The following MAP3K20 variants were observed in gnomAD, a reference collection of about 807,000 sequenced individuals.
MAP3K20 encodes HCCS-4.
A neutral mutation model predicts 85.7 loss-of-function variants in MAP3K20; 40 were observed. That is an observed-to-expected ratio of 0.47 (90% confidence interval 0.36 to 0.61). MAP3K20 has a LOEUF of 0.61. Ranked by LOEUF, MAP3K20 falls within the 20% of genes least tolerant of loss-of-function variation. MAP3K20 has a pLI of 0.00. For synonymous variants in MAP3K20, 325 were observed against 327.7 expected, an observed-to-expected ratio of 0.99 and a Z score of 0.09; for missense variants, 817 against 961.7, an observed-to-expected ratio of 0.85 and a Z score of 1.99.
chr2:173,216,726 C>A (rs956897748), intron 10 of MAP3K20, among the ~76,000 whole-genome samples: 1 of 152,108 alleles, frequency 6.6e-6, no homozygotes, highest in Non-Finnish European at 1.5e-5. Context: ...ATATCATTTT[C>A]CCACCTATAC....
chr2:173,245,719 G>T (rs975611875), intron 16 of MAP3K20, among the ~76,000 whole-genome samples: 2 of 152,194 alleles, frequency 1.3e-5, no homozygotes, highest in Non-Finnish European at 2.9e-5. Context: ...ATCACTTGAG[G>T]TTAGGAGTTC....
chr2:173,230,114 G>A (rs145520050), intron 12 of MAP3K20, among the ~76,000 whole-genome samples: 1 of 152,142 alleles, frequency 6.6e-6, no homozygotes, highest in African/African-American at 2.4e-5. Flanking sequence ...TTATAGGTGT[G>A]AGCCACTGTG....
intron 7 of MAP3K20, among the ~76,000 whole-genome samples, chr2:173,193,699 G>A (rs1463861856): frequency 6.6e-6 from 1 of 152,076 alleles, no homozygotes; most frequent in Non-Finnish European, 1.5e-5. Flanking sequence ...CATAGTTTGA[G>A]TCAACCTTTC....
In MAP3K20 at chr2:173,091,009, G is replaced by C. The variant is rs772724947; in HGVS notation, c.-23G>C. On this transcript the variant is annotated 5_prime_UTR_variant, in exon 2 of 20. Coordinates refer to ENST00000375213, the MANE Select transcript of MAP3K20 (RefSeq NM_016653.3). ...CTTTCTTTCTGCAGATTTTGTGGAA[G>C]TATAATACTTTGTCATTATGAGATG... 1 of 1,598,810 alleles carries C rather than the reference G, an allele frequency of 6.3e-7. No homozygotes were observed. Among genetic ancestry groups the C allele is most frequent in the South Asian group, 1.1e-5 (1 of 89,764 alleles).
intron 9 of MAP3K20, among the ~76,000 whole-genome samples, chr2:173,205,119 A>AAAAAC (rs1683638647): frequency 5.0e-5 from 7 of 139,582 alleles, no homozygotes; most frequent in African/African-American, 1.6e-4. Context: ...AAAAAAAAAA[A>AAAAAC]AAATAAATAA....
At chr2:173,157,284 C>T (rs747196542) in intron 2 of MAP3K20, among the ~76,000 whole-genome samples, 20 of 150,966 alleles carry the variant, frequency 1.3e-4, no homozygotes, top group Non-Finnish European at 2.8e-4. Context: ...TTCTATGATT[C>T]CAGATTATCT....
At chr2:173,108,919 A>C (rs1340870415) in intron 2 of MAP3K20, among the ~76,000 whole-genome samples, 1 of 152,244 alleles carries the variant, frequency 6.6e-6, no homozygotes, top group Non-Finnish European at 1.5e-5. Context: ...GGACAGAGAC[A>C]GTAAAAAATC....
intron 11 of MAP3K20, among the ~76,000 whole-genome samples, chr2:173,228,864 G>A (rs1684453435): frequency 6.6e-6 from 1 of 152,176 alleles, no homozygotes; most frequent in East Asian, 1.9e-4. Flanking sequence ...CAGAAGATGA[G>A]TGACAATTTG....
intron 7 of MAP3K20, among the ~76,000 whole-genome samples, chr2:173,195,306 G>T (rs1271954838): frequency 1.3e-5 from 2 of 152,060 alleles, no homozygotes; most frequent in Non-Finnish European, 2.9e-5. Context: ...CAGCATGGCT[G>T]CCTGGCTTGT....
chr2:173,124,256 T>C (rs1688379010), intron 2 of MAP3K20, among the ~76,000 whole-genome samples: 1 of 152,182 alleles, frequency 6.6e-6, no homozygotes. Context: ...GGAAAATTAG[T>C]ATAGAGAACT....
At chr2:173,099,302 T>C (rs34839956) in intron 2 of MAP3K20, among the ~76,000 whole-genome samples, 9,758 of 115,982 alleles carry the variant, frequency 0.084, 431 homozygotes, top group Non-Finnish European at 0.12. Flanking sequence ...CTGTTGTTTT[T>C]GTTTGTTTGT....
rs921176675 is a variant in MAP3K20 at position 173,223,016 on chromosome 2, A to G, written c.987+5766A>G. 8 of 985,342 alleles carry G rather than the reference A, an allele frequency of 8.1e-6. No homozygotes were observed. The African/African-American group carries it at 1.2e-4, about 15-fold the overall frequency. The allele number at this position is 985,342 out of a possible 1,614,324, so 61.0% of individuals were successfully genotyped here. A position where few individuals can be genotyped will look rare whatever the true frequency, so the allele number is the denominator to read the frequency against. Reference sequence around the variant, plus strand: ...TTTTATGGAAGTTTAAAGAAAGGACATCATCATAGATATGATCTAACAGTA... The same window carrying G: ...TTTTATGGAAGTTTAAAGAAAGGACGTCATCATAGATATGATCTAACAGTA... On this transcript the variant is annotated intron_variant, in intron 11 of 19. Coordinates refer to ENST00000375213, the MANE Select transcript of MAP3K20 (RefSeq NM_016653.3).
chr2:173,079,889 TC>T (rs1445400758), intron 1 of MAP3K20, among the ~76,000 whole-genome samples: 1 of 150,784 alleles, frequency 6.6e-6, no homozygotes. Context: ...CAGTTAATTT[TC>T]TTTTTTTTTT....
chr2:173,249,344 A>G (rs978822416), intron 16 of MAP3K20, among the ~76,000 whole-genome samples: 23 of 152,234 alleles, frequency 1.5e-4, no homozygotes, highest in Admixed American at 1.5e-3. Context: ...ATCAGCTATA[A>G]AAGAGACAGA....
intron 11 of MAP3K20, chr2:173,224,122 A>G (rs1684324418): frequency 1.2e-6 from 1 of 854,222 alleles, no homozygotes; most frequent in Non-Finnish European, 1.4e-6. Flanking sequence ...TTCACATTTG[A>G]TAAGTATATG....
chr2:173,134,412 A>ATTT (rs1559246011), intron 2 of MAP3K20, among the ~76,000 whole-genome samples: 5 of 5,654 alleles, frequency 8.8e-4, no homozygotes, highest in Non-Finnish European at 1.4e-3. Context: ...ATATATATAT[A>ATTT]TATATATATA....
At chr2:173,100,550 C>G (rs768080486) in intron 2 of MAP3K20, among the ~76,000 whole-genome samples, 1 of 152,138 alleles carries the variant, frequency 6.6e-6, no homozygotes, top group Non-Finnish European at 1.5e-5. Context: ...CCTACATTTT[C>G]TTCATTTACT....
At chr2:173,185,703 A>G (rs375299187) in intron 4 of MAP3K20, among the ~76,000 whole-genome samples, 1 of 152,240 alleles carries the variant, frequency 6.6e-6, no homozygotes, top group African/African-American at 2.4e-5. Context: ...TGTTGAGACA[A>G]TATCTTCTCA....
chr2:173,258,181 T>G (rs1198731265), intron 16 of MAP3K20, among the ~76,000 whole-genome samples: 2 of 152,168 alleles, frequency 1.3e-5, no homozygotes, highest in South Asian at 2.1e-4. Context: ...ATCATCACAT[T>G]TGCACTGTTG....
Sources: gnomAD v4.1 joint callset for allele counts (sites outside exome capture counted in the v4.1 genomes callset) on GRCh38, gnomAD v4.1.1 for gene constraint, MANE v1.5 for transcripts, NCBI Gene and HGNC (gene_info 2026-07-23, HGNC 2026-07-21) for gene names.